The following ERBIN variants were observed in gnomAD, a reference collection of about 807,000 sequenced individuals.
The protein encoded by ERBIN is erbb2 interacting protein.
Under a neutral mutation model 158.4 loss-of-function variants are expected in ERBIN, and 60 were observed. The ratio of observed to expected loss-of-function variants is 0.38; its 90% CI spans 0.31 to 0.47. The LOEUF is 0.47. Among genes scored for constraint, ERBIN ranks in the 20% least tolerant of loss-of-function variants. The pLI is 0.99. For missense variants in ERBIN, 1,610 were observed against 1,648.0 expected (o/e 0.98, Z 0.40); for synonymous variants, 594 against 557.2 (o/e 1.07, Z -0.93).
intron 1 of ERBIN, among the ~76,000 whole-genome samples, chr5:65,958,320 C>A (rs1747491550): frequency 1.3e-5 from 2 of 152,210 alleles, no homozygotes; most frequent in Non-Finnish European, 2.9e-5. Context: ...TGCACTCCAG[C>A]CTGGGCAACA....
chr5:65,973,972 T>A (rs563359489), intron 1 of ERBIN, among the ~76,000 whole-genome samples: 1 of 151,454 alleles, frequency 6.6e-6, no homozygotes, highest in Non-Finnish European at 1.5e-5. Context: ...CTGTGACTCA[T>A]GCTTGTAATT....
Position 65,949,779 on chromosome 5 carries a change from T to A in ERBIN, c.-58+22973T>A, listed in dbSNP as rs147329392. Among the ~76,000 whole-genome samples the A allele has an allele frequency of 2.3e-3, 349 of 152,300 alleles. 1 individual carries two copies. The highest frequency in any genetic ancestry group is 8.0e-3 in the African/African-American group (332 of 41,562). On this transcript the variant is annotated intron_variant, in intron 1 of 25. Coordinates refer to ENST00000284037, the MANE Select transcript of ERBIN (RefSeq NM_001253697.2). ...ATCAAGTTTTCCACAAATGTCCTCT[T>A]GCTATTTTGGGATCCAGTGTAAGAG...
At chr5:66,009,776 C>G (rs370108459) in intron 4 of ERBIN, among the ~76,000 whole-genome samples, 1 of 152,154 alleles carries the variant, frequency 6.6e-6, no homozygotes, top group Non-Finnish European at 1.5e-5. Flanking sequence ...CTCCCACATT[C>G]CTATTTTATC....
chr5:66,023,836 C>G (rs1263494244), intron 9 of ERBIN, among the ~76,000 whole-genome samples: 2 of 152,050 alleles, frequency 1.3e-5, no homozygotes, highest in Non-Finnish European at 2.9e-5. Context: ...CCACCATGCC[C>G]AGCTAATTTT....
chr5:65,965,823 A>G (rs975482241), intron 1 of ERBIN, among the ~76,000 whole-genome samples: 7 of 152,096 alleles, frequency 4.6e-5, no homozygotes, highest in Non-Finnish European at 8.8e-5. Flanking sequence ...AATTTTCCTT[A>G]TCATTTACTA....
intron 22 of ERBIN, among the ~76,000 whole-genome samples, chr5:66,073,607 A>C (rs566233039): frequency 5.3e-5 from 8 of 152,308 alleles, no homozygotes; most frequent in African/African-American, 1.7e-4. Flanking sequence ...TCTATACCAA[A>C]GCTAAACTAC....
chr5:66,035,272 C>A (rs1757286085), intron 14 of ERBIN, among the ~76,000 whole-genome samples: 2 of 152,154 alleles, frequency 1.3e-5, no homozygotes, highest in Non-Finnish European at 2.9e-5. Context: ...TCAATTCCTA[C>A]TTAACATTGC....
chr5:66,069,942 G>C lies in ERBIN; in HGVS notation c.3634-2227G>C, dbSNP rs571738319. ...GGCTCTGGCTGTACCTGACCTAGAC[G>C]TATGCTGTCCTCTGTCACCTGCCAC... is the stretch of plus-strand genomic sequence containing the variant. On this transcript the variant is annotated intron_variant, in intron 21 of 25. Coordinates refer to ENST00000284037, the MANE Select transcript of ERBIN (RefSeq NM_001253697.2). Among the ~76,000 whole-genome samples the C allele has an allele frequency of 2.0e-5, 3 of 152,246 alleles. No homozygotes were observed. The East Asian group carries it at 5.8e-4, about 29-fold the overall frequency.
At chr5:65,969,129 G>A (rs1442916851) in intron 1 of ERBIN, among the ~76,000 whole-genome samples, 3 of 151,940 alleles carry the variant, frequency 2.0e-5, no homozygotes, top group African/African-American at 7.3e-5. Context: ...GGAGGATAAA[G>A]CAAAAAGAAA....
At chr5:65,970,691 A>G (rs939596896) in intron 1 of ERBIN, among the ~76,000 whole-genome samples, 25 of 152,286 alleles carry the variant, frequency 1.6e-4, no homozygotes, top group African/African-American at 5.1e-4. Context: ...GGCTCAAGCA[A>G]TCTTCCTGCC....
chr5:65,952,970 C>T (rs527678969), intron 1 of ERBIN, among the ~76,000 whole-genome samples: 9 of 152,254 alleles, frequency 5.9e-5, no homozygotes, highest in Non-Finnish European at 1.2e-4. Flanking sequence ...AAAAAAGTTT[C>T]GTCCTCCTTC....
chr5:66,073,927 A>G (rs951262677), intron 22 of ERBIN, among the ~76,000 whole-genome samples: 1 of 151,784 alleles, frequency 6.6e-6, no homozygotes, highest in African/African-American at 2.4e-5. Flanking sequence ...CACCCAGGCT[A>G]GGGTGCAGTG....
intron 20 of ERBIN, among the ~76,000 whole-genome samples, chr5:66,053,158 A>G (rs149193166): frequency 1.4e-4 from 22 of 152,294 alleles, no homozygotes; most frequent in African/African-American, 5.1e-4. Flanking sequence ...GATTGAGTGT[A>G]TTGATGAAAA....
intron 2 of ERBIN, among the ~76,000 whole-genome samples, chr5:65,992,339 G>A (rs902492131): frequency 1.3e-5 from 2 of 152,010 alleles, no homozygotes; most frequent in African/African-American, 4.8e-5. Context: ...TAGGAGAGAC[G>A]GGGTTTCACT....
rs758922161 is a variant in ERBIN at position 66,024,256 on chromosome 5, C to T, written c.673-50C>T. ...TCAAGTTTATTCCCTAAACTTTTTACAAATTACTAATGTTAATAGAGTCAT... is the reference window on the plus strand; with the variant it reads ...TCAAGTTTATTCCCTAAACTTTTTATAAATTACTAATGTTAATAGAGTCAT... On this transcript the variant is annotated intron_variant, in intron 9 of 25. Transcript: ENST00000284037. The T allele has an allele frequency of 3.0e-5, 38 of 1,252,966 alleles. No homozygotes were observed. The East Asian group carries it at 9.7e-4, about 32-fold the overall frequency. 77.6% of individuals were successfully genotyped at this position (1,252,966 alleles called of 1,614,324 possible).
intron 4 of ERBIN, among the ~76,000 whole-genome samples, chr5:66,010,027 A>G (rs1200427688): frequency 6.6e-6 from 1 of 152,188 alleles, no homozygotes; most frequent in Non-Finnish European, 1.5e-5. Context: ...CATAGTGGGT[A>G]TATCAGTTTG....
chr5:65,943,182 A>G (rs950965002), intron 1 of ERBIN, among the ~76,000 whole-genome samples: 1 of 152,174 alleles, frequency 6.6e-6, no homozygotes, highest in African/African-American at 2.4e-5. Context: ...TGTTGCTGAT[A>G]ATGGCAACAA....
intron 1 of ERBIN, among the ~76,000 whole-genome samples, chr5:65,982,900 G>A (rs1750808071): frequency 6.6e-6 from 1 of 152,160 alleles, no homozygotes; most frequent in South Asian, 2.1e-4. Context: ...GGCTGTCTTG[G>A]TCAGGATGTT....
intron 3 of ERBIN, among the ~76,000 whole-genome samples, chr5:65,993,374 T>A (rs1409601595): frequency 6.6e-6 from 1 of 152,218 alleles, no homozygotes; most frequent in Admixed American, 6.5e-5. Flanking sequence ...ATTTACAATT[T>A]GTTTGGAAAG....
Sources: allele counts gnomAD v4.1 joint callset (sites outside exome capture counted in the v4.1 genomes callset), GRCh38; gene constraint gnomAD v4.1.1; transcripts MANE v1.5; gene names NCBI Gene and HGNC (gene_info 2026-07-23, HGNC 2026-07-21).